WRN: variants seen among roughly 807,000 people sequenced by gnomAD.
WRN encodes the protein bifunctional 3'-5' exonuclease/ATP-dependent helicase WRN.
In WRN, 149 loss-of-function variants were observed where a neutral mutation model predicts 180.7. The ratio of observed to expected loss-of-function variants is 0.82; its 90% CI spans 0.72 to 0.94. The LOEUF is 0.94. Ranked by LOEUF, WRN falls within the 40% of genes least tolerant of loss-of-function variation. The pLI is 0.00. For synonymous variants in WRN, 548 were observed against 568.9 expected (o/e 0.96, Z 0.52); for missense variants, 1,661 against 1,700.1 (o/e 0.98, Z 0.40).
At chr8:31,136,942 G>T (rs1458007129) in intron 24 of WRN, among the ~76,000 whole-genome samples, 1 of 152,102 alleles carries the variant, frequency 6.6e-6, no homozygotes, top group Non-Finnish European at 1.5e-5. Flanking sequence ...CTTATCAGTG[G>T]ACAACCTACA....
At chr8:31,091,762 CACTT>C in intron 15 of WRN, 64 bp from the exon 16 acceptor site, 2 of 1,363,762 alleles carry the variant, frequency 1.5e-6, no homozygotes, top group East Asian at 2.3e-5. Flanking sequence ...TATTCTTTCT[CACTT>C]AAGAGTGAAA....
intron 18 of WRN, among the ~76,000 whole-genome samples, chr8:31,104,464 T>G (rs925662928): frequency 3.3e-5 from 5 of 152,212 alleles, no homozygotes; most frequent in Non-Finnish European, 4.4e-5. Context: ...AATATTTCTT[T>G]CACTTTGTAG....
rs376705983 is a variant in WRN, at chr8:31,085,246, G to A, written c.1431G>A (p.Lys477=). ...SDEDLEMEML[K]SLENLNSGTV... is the part of the protein sequence containing the mutation. ...AAGATTTAGAAATGGAGATGCTTAA[G>A]GTATGTTTACAATTATAAAAACATT... Residue 477 remains lysine (K), a splice_region_variant and synonymous_variant, in exon 11 of 35, where the codon AAG becomes AAA. Transcript: ENST00000298139. 6.2e-7 allele frequency: 1 copy of A among 1,612,242 alleles called. No individual in the cohort carries two copies. The highest frequency in any genetic ancestry group is 8.5e-7 in the Non-Finnish European group (1 of 1,179,056).
chr8:31,156,737 TG>T (rs1300000436), intron 32 of WRN, among the ~76,000 whole-genome samples: 2 of 152,232 alleles, frequency 1.3e-5, no homozygotes, highest in Admixed American at 6.5e-5. Context: ...GAAATGTATT[TG>T]GAGCCACATT....
chr8:31,104,595 A>G (rs1487895360), intron 18 of WRN, among the ~76,000 whole-genome samples: 2 of 152,130 alleles, frequency 1.3e-5, no homozygotes, highest in African/African-American at 4.8e-5. Flanking sequence ...TAGATCCTGA[A>G]GATTTTCTCC....
chr8:31,152,512 C>T (rs1180821516), intron 31 of WRN, among the ~76,000 whole-genome samples: 2 of 150,908 alleles, frequency 1.3e-5, no homozygotes, highest in African/African-American at 2.4e-5. Context: ...TCCCTCGACT[C>T]GTGTATATGT....
At chr8:31,106,070 T>A (rs1252064148) in intron 18 of WRN, among the ~76,000 whole-genome samples, 1 of 152,162 alleles carries the variant, frequency 6.6e-6, no homozygotes, top group Non-Finnish European at 1.5e-5. Context: ...CTCTCCTCCA[T>A]CTTGTTTAAC....
At position 31,176,122 on chromosome 8, in the gene WRN, A is replaced by G. The variant is rs182609276; in HGVS notation, c.*3020A>G. On this transcript the variant is annotated 3_prime_UTR_variant, in exon 35 of 35. Transcript: ENST00000298139. ...ATTGTTGGACATTAAAGTTGCTTTC[A>G]GTTTTTTTGTTTTAAACAGCACTGC... Among the ~76,000 whole-genome samples the G allele has an allele frequency of 1.1e-3, 171 of 152,278 alleles. No homozygotes were observed. The highest frequency in any genetic ancestry group is 4.0e-3 in the African/African-American group (166 of 41,552).
At chr8:31,125,099 T>C in intron 23 of WRN, 99 bp downstream of exon 23, 1 of 1,180,794 alleles carries the variant, frequency 8.5e-7, no homozygotes, top group Non-Finnish European at 1.2e-6. Context: ...TATTTCAGTT[T>C]TTTAAACAAA....
In WRN at chr8:31,124,606, T is replaced by C. The variant is rs917486934; in HGVS notation, c.2715T>C (p.Ser905=). The change falls in exon 22 of 35, where the codon TCT becomes TCC. Residue 905 remains serine (S), a synonymous_variant. Transcript: ENST00000298139. ...CAAAGATGGAAAAATATCTTCATTC[T>C]AGCAGATGTAGGAGACAGTATGTAT... ...MMAKMEKYLH[S]SRCRRQIILS... 68 of 1,610,580 alleles carry C rather than the reference T, an allele frequency of 4.2e-5. No individual in the cohort carries two copies. Among genetic ancestry groups the C allele is most frequent in the Non-Finnish European group, 5.8e-5 (68 of 1,177,176 alleles).
intron 1 of WRN, among the ~76,000 whole-genome samples, chr8:31,055,688 C>A (rs1017251233): frequency 6.6e-5 from 10 of 151,710 alleles, no homozygotes; most frequent in Non-Finnish European, 1.3e-4. Flanking sequence ...GGATAGATTG[C>A]AAAAATTTTC....
chr8:31,154,968 A>G (rs1017492288), intron 32 of WRN, among the ~76,000 whole-genome samples: 1 of 152,200 alleles, frequency 6.6e-6, no homozygotes, highest in Non-Finnish European at 1.5e-5. Flanking sequence ...TTGGCCATGA[A>G]TATCTTCTAG....
At chr8:31,154,583 T>C in intron 31 of WRN, 41 bp from the exon 32 acceptor site, 2 of 1,575,526 alleles carry the variant, frequency 1.3e-6, no homozygotes, top group Non-Finnish European at 1.7e-6. Context: ...ATTATTGTAT[T>C]GATATTACTG....
chr8:31,039,378 G>T (rs1212337186), intron 1 of WRN, among the ~76,000 whole-genome samples: 1 of 151,482 alleles, frequency 6.6e-6, no homozygotes, highest in Non-Finnish European at 1.5e-5. Context: ...TTCATTTCTG[G>T]TGTATAACAA....
At position 31,142,702 on chromosome 8, in the gene WRN, G is replaced by A. The variant is rs1281075870; in HGVS notation, c.3309+1G>A. ...AGTTGAATTAAGTACAGAGAAGAAG[G>A]TTTGTTTTAAAGAAATTGTTCTGAT... On this transcript the variant is annotated splice_donor_variant, in intron 27 of 34. Coordinates refer to ENST00000298139, the MANE Select transcript of WRN (RefSeq NM_000553.6). LOFTEE classifies it high-confidence loss of function. The A allele has an allele frequency of 1.3e-6, 2 of 1,597,572 alleles. No individual in the cohort carries two copies. The highest frequency in any genetic ancestry group is 1.7e-6 in the Non-Finnish European group (2 of 1,171,204).
At chr8:31,096,143 A>G (rs1340836755) in intron 16 of WRN, among the ~76,000 whole-genome samples, 1 of 152,238 alleles carries the variant, frequency 6.6e-6, no homozygotes, top group Non-Finnish European at 1.5e-5. Flanking sequence ...GTAAAGGCAT[A>G]TCTGTTTTGT....
intron 10 of WRN, among the ~76,000 whole-genome samples, chr8:31,084,816 A>G (rs1223879758): frequency 2.0e-5 from 3 of 152,200 alleles, no homozygotes; most frequent in African/African-American, 7.2e-5. Flanking sequence ...ATTTTTCAAC[A>G]TTGTGAAGAG....
chr8:31,138,711 A>T (rs576778973), intron 24 of WRN, among the ~76,000 whole-genome samples: 1 of 152,354 alleles, frequency 6.6e-6, no homozygotes, highest in Admixed American at 6.5e-5. Flanking sequence ...AAATATAATC[A>T]TCAGGACACC....
chr8:31,118,323 A>G (rs781743955), intron 20 of WRN, among the ~76,000 whole-genome samples: 13 of 152,056 alleles, frequency 8.5e-5, no homozygotes, highest in African/African-American at 1.2e-4. Flanking sequence ...TTAAAAATTG[A>G]TATGGTTTTT....
Sources: gnomAD v4.1 joint callset for allele counts (sites outside exome capture counted in the v4.1 genomes callset) on GRCh38, gnomAD v4.1.1 for gene constraint, MANE v1.5 for transcripts, NCBI Gene and HGNC (gene_info 2026-07-23, HGNC 2026-07-21) for gene names.